The following GALNT10 variants were observed in gnomAD, a reference collection of about 807,000 sequenced individuals.
GALNT10 encodes polypeptide N-acetylgalactosaminyltransferase 10, also known as GalNAc transferase 10.
Under a neutral mutation model 75.0 loss-of-function variants are expected in GALNT10, and 41 were observed. That is an observed-to-expected ratio of 0.55 (90% CI 0.43 to 0.71). The LOEUF (loss-of-function observed/expected upper bound fraction) is 0.71. Among genes scored for constraint, GALNT10 ranks in the 30% least tolerant of loss-of-function variants. The pLI, the probability that GALNT10 is intolerant of heterozygous loss-of-function variation, is 0.00. For synonymous variants in GALNT10, 302 were observed against 313.0 expected (o/e 0.96, Z 0.37); for missense variants, 727 against 818.5 (o/e 0.89, Z 1.36).
At chr5:154,294,147 C>T (rs1754239893) in intron 1 of GALNT10, among the ~76,000 whole-genome samples, 1 of 152,112 alleles carries the variant, frequency 6.6e-6, no homozygotes, top group African/African-American at 2.4e-5. Flanking sequence ...CAAGACCAAC[C>T]TGGGTAACAT....
chr5:154,329,752 C>T lies in GALNT10; in HGVS notation c.568+14C>T, dbSNP rs1754816223. The T allele has an allele frequency of 6.3e-7, 1 of 1,598,442 alleles. No homozygotes were observed. The highest frequency in any genetic ancestry group is 1.3e-5 in the African/African-American group (1 of 74,614). ...TCAGTGATCGAGGTAGGATCCGTCC[C>T]ACCCAGCCTCCCACCCTCTGTGCTT... is the stretch of plus-strand genomic sequence containing the variant. On this transcript the variant is annotated intron_variant, in intron 4 of 11. Transcript: ENST00000297107.
At chr5:154,260,548 T>G (rs1753686265) in intron 1 of GALNT10, among the ~76,000 whole-genome samples, 1 of 152,202 alleles carries the variant, frequency 6.6e-6, no homozygotes, top group Non-Finnish European at 1.5e-5. Context: ...ATGCACCCCT[T>G]TTTAAATGAA....
intron 7 of GALNT10, among the ~76,000 whole-genome samples, chr5:154,390,344 T>C (rs1014901902): frequency 1.3e-5 from 2 of 152,212 alleles, no homozygotes; most frequent in Non-Finnish European, 1.5e-5. Flanking sequence ...ACTCATAAAA[T>C]AACACCCGAC....
chr5:154,286,892 G>A (rs1319157500), intron 1 of GALNT10, among the ~76,000 whole-genome samples: 5 of 152,166 alleles, frequency 3.3e-5, no homozygotes, highest in Non-Finnish European at 7.3e-5. Context: ...TTCATAAATA[G>A]TGCCATTCAG....
At chr5:154,227,372 C>A (rs2081015) in intron 1 of GALNT10, among the ~76,000 whole-genome samples, 1 of 151,856 alleles carries the variant, frequency 6.6e-6, no homozygotes, top group Non-Finnish European at 1.5e-5. Flanking sequence ...GATATCTTAA[C>A]GTGGTTTTAA....
Position 154,217,649 on chromosome 5 carries a change from C to T in GALNT10, c.159+26624C>T, listed in dbSNP as rs539761166. Among the ~76,000 whole-genome samples, 3 of 152,338 alleles carry T rather than the reference C, an allele frequency of 2.0e-5. No individual in the cohort carries two copies. The South Asian group carries it at 6.2e-4, about 32-fold the overall frequency. ...CACAGAGCCAGATGCATCCCTCTTC[C>T]TGTCCACACCCCTGTCACCAAAACA... On this transcript the variant is annotated intron_variant, in intron 1 of 11. Transcript: ENST00000297107.
chr5:154,282,261 C>T lies in GALNT10; in HGVS notation c.160-12555C>T, dbSNP rs1021122772. Among the ~76,000 whole-genome samples the T allele has an allele frequency of 2.6e-5, 4 of 152,314 alleles. No individual in the cohort carries two copies. The South Asian group carries it at 6.2e-4, about 24-fold the overall frequency. ...TTCGTCAGGGCAGAGCTCTCATGAG[C>T]TAATCACATCTTAAAGGTTCCACCT... On this transcript the variant is annotated intron_variant, in intron 1 of 11. Coordinates refer to ENST00000297107, the MANE Select transcript of GALNT10 (RefSeq NM_198321.4).
chr5:154,258,072 A>AT (rs757044426), intron 1 of GALNT10, among the ~76,000 whole-genome samples: 4 of 152,204 alleles, frequency 2.6e-5, no homozygotes, highest in Admixed American at 6.5e-5. Context: ...AAGGACTGTA[A>AT]TTTTTATATA....
intron 3 of GALNT10, among the ~76,000 whole-genome samples, chr5:154,325,534 G>T (rs752005727): frequency 1.1e-4 from 17 of 151,678 alleles, no homozygotes. Context: ...GTAGGATGTT[G>T]CAGGAATGCA....
rs184264479 is a variant in GALNT10, at chr5:154,192,632, G to A, written c.159+1607G>A. The stretch of plus-strand genomic sequence containing the variant: ...GTTCTAACATTCTGTGATACTATCA[G>A]TTAATCAATGAGGAATACAACGGTC... On this transcript the variant is annotated intron_variant, in intron 1 of 11. Coordinates refer to ENST00000297107, the MANE Select transcript of GALNT10 (RefSeq NM_198321.4). Among the ~76,000 whole-genome samples, 1,189 of 152,272 alleles carry A rather than the reference G, an allele frequency of 7.8e-3. 5 individuals are homozygous for A. Among genetic ancestry groups the A allele is most frequent in the Non-Finnish European group, 0.011 (764 of 68,024 alleles).
chr5:154,340,977 A>C (rs1446873621), intron 4 of GALNT10, among the ~76,000 whole-genome samples: 1 of 152,188 alleles, frequency 6.6e-6, no homozygotes, highest in African/African-American at 2.4e-5. Context: ...GTACATTAAT[A>C]TAGTGTTCAT....
At chr5:154,253,790 T>C (rs1353594961) in intron 1 of GALNT10, among the ~76,000 whole-genome samples, 1 of 149,260 alleles carries the variant, frequency 6.7e-6, no homozygotes, top group Non-Finnish European at 1.5e-5. Context: ...TGTGTTTCTC[T>C]CTCCTACTTT....
intron 4 of GALNT10, among the ~76,000 whole-genome samples, chr5:154,345,628 CTT>C (rs751597207): frequency 8.4e-5 from 10 of 118,530 alleles, no homozygotes; most frequent in Non-Finnish European, 1.2e-4. Flanking sequence ...AAATTTCCAC[CTT>C]TTTTTTTTTT....
intron 6 of GALNT10, among the ~76,000 whole-genome samples, chr5:154,383,856 TATTAATCC>T (rs1755769466): frequency 6.6e-6 from 1 of 152,364 alleles, no homozygotes; most frequent in Middle Eastern, 3.4e-3. Flanking sequence ...ATTCTAGCTG[TATTAATCC>T]ATTCTCACAC....
intron 7 of GALNT10, among the ~76,000 whole-genome samples, chr5:154,391,369 G>A (rs944506369): frequency 3.3e-5 from 5 of 152,186 alleles, no homozygotes; most frequent in East Asian, 1.9e-4. Flanking sequence ...ATTCCAGACC[G>A]GATTCTCTAT....
At chr5:154,415,378 C>T (rs1325325240) in intron 10 of GALNT10, among the ~76,000 whole-genome samples, 2 of 151,994 alleles carry the variant, frequency 1.3e-5, no homozygotes, top group African/African-American at 4.8e-5. Context: ...CACTCTGTCC[C>T]CCATGCTGGA....
At chr5:154,256,857 T>C (rs918255580) in intron 1 of GALNT10, among the ~76,000 whole-genome samples, 1 of 152,150 alleles carries the variant, frequency 6.6e-6, no homozygotes, top group African/African-American at 2.4e-5. Flanking sequence ...CATCTTATCA[T>C]GTACCCCAGC....
At chr5:154,320,413 TG>T (rs749565532) in intron 3 of GALNT10, among the ~76,000 whole-genome samples, 1 of 152,350 alleles carries the variant, frequency 6.6e-6, no homozygotes, top group Admixed American at 6.5e-5. Flanking sequence ...GGCTTTCTGC[TG>T]TGTAATAGCT....
At chr5:154,330,908 G>T (rs3220626) in intron 4 of GALNT10, among the ~76,000 whole-genome samples, 2 of 125,918 alleles carry the variant, frequency 1.6e-5, no homozygotes, top group Admixed American at 9.4e-5. Flanking sequence ...AGACAGAGAG[G>T]GTGTGTGTGT....
Sources: gnomAD v4.1 joint callset for allele counts (sites outside exome capture counted in the v4.1 genomes callset) on GRCh38, gnomAD v4.1.1 for gene constraint, MANE v1.5 for transcripts, NCBI Gene and HGNC (gene_info 2026-07-23, HGNC 2026-07-21) for gene names.